ACSS1: variants seen among roughly 807,000 people sequenced by gnomAD.
The protein encoded by ACSS1 is acetyl-coenzyme A synthetase 2-like, mitochondrial.
In ACSS1, 42 loss-of-function variants were observed where a neutral mutation model predicts 75.3. That is an observed-to-expected ratio of 0.56 (90% CI 0.44 to 0.72). ACSS1 has a LOEUF of 0.72. ACSS1 is among the 30% of genes least tolerant of loss of function. The pLI, the probability that ACSS1 is intolerant of heterozygous loss-of-function variation, is 0.00. For synonymous variants in ACSS1, 380 were observed against 376.8 expected (o/e 1.01, Z -0.10); for missense variants, 782 against 935.7 (o/e 0.84, Z 2.14).
chr20:25,010,086 T>A (rs999394437), intron 12 of ACSS1: 3 of 152,456 alleles, frequency 2.0e-5, no homozygotes, highest in African/African-American at 7.2e-5. Context: ...GTTGTCCATA[T>A]AAGGAGTTGC....
chr20:25,013,477 G>T, intron 10 of ACSS1, 59 bp downstream of exon 10: 1 of 1,537,616 alleles, frequency 6.5e-7, no homozygotes, highest in Non-Finnish European at 8.8e-7. Context: ...TGTTTTCTGA[G>T]AATAAGATTC....
At chr20:25,008,963 G>A (rs2088359882) in intron 13 of ACSS1, among the ~76,000 whole-genome samples, 1 of 152,100 alleles carries the variant, frequency 6.6e-6, no homozygotes, top group Non-Finnish European at 1.5e-5. Context: ...CTGCCTAGGT[G>A]GCCTCCCAGA....
chr20:25,036,506 A>T (rs1568843298), intron 2 of ACSS1, among the ~76,000 whole-genome samples: 1 of 151,768 alleles, frequency 6.6e-6, no homozygotes, highest in African/African-American at 2.4e-5. Flanking sequence ...CAGAGAAAAG[A>T]GAGGAAGAAA....
At position 25,007,595 on chromosome 20, in the gene ACSS1, G is replaced by T; in HGVS notation, c.*167C>A. The T allele has an allele frequency of 8.2e-6, 12 of 1,463,252 alleles. No homozygotes were observed. The highest frequency in any genetic ancestry group is 1.1e-5 in the Non-Finnish European group (12 of 1,114,424). 90.6% of individuals were successfully genotyped at this position (1,463,252 alleles called of 1,614,324 possible). A position where few individuals can be genotyped will look rare whatever the true frequency, so the allele number is the denominator to read the frequency against. On this transcript the variant is annotated 3_prime_UTR_variant, in exon 14 of 14. Transcript: ENST00000323482. ...ACACTCCTGGGACCTCCAATGGATG[G>T]GAGAAAGGGCTCTCAGCCCAGCTTC... is the stretch of plus-strand genomic sequence containing the variant.
At chr20:25,042,501 G>A (rs748806386) in intron 2 of ACSS1, among the ~76,000 whole-genome samples, 2 of 152,136 alleles carry the variant, frequency 1.3e-5, no homozygotes, top group African/African-American at 2.4e-5. Context: ...CACGACAGCC[G>A]CTGTGTCACA....
At position 25,051,591 on chromosome 20, in the gene ACSS1, G is replaced by A. The variant is rs1005245509; in HGVS notation, c.335-3410C>T. Among the ~76,000 whole-genome samples the A allele has an allele frequency of 2.6e-5, 4 of 152,230 alleles. No individual in the cohort carries two copies. The East Asian group carries it at 5.8e-4, about 22-fold the overall frequency. ...CTAACAAGATCCTAGTGATGCAGCC[G>A]CTGCTGGTCCTGGGACCCGACTCTG... On this transcript the variant is annotated intron_variant, in intron 1 of 13. Coordinates refer to ENST00000323482, the MANE Select transcript of ACSS1 (RefSeq NM_032501.4).
chr20:25,032,226 A>G (rs976362212), intron 2 of ACSS1: 3 of 728,230 alleles, frequency 4.1e-6, no homozygotes, highest in Admixed American at 4.2e-5. Flanking sequence ...GCCTATCACC[A>G]GGTTCACCCA....
intron 1 of ACSS1, among the ~76,000 whole-genome samples, chr20:25,048,802 A>G (rs1320784057): frequency 6.6e-6 from 1 of 152,144 alleles, no homozygotes; most frequent in African/African-American, 2.4e-5. Flanking sequence ...CCATTACCCA[A>G]GCTCCCACAC....
intron 12 of ACSS1, 93 bp from the exon 13 acceptor site, chr20:25,009,481 G>A (rs772006285): frequency 2.1e-5 from 22 of 1,024,574 alleles, no homozygotes; most frequent in South Asian, 5.6e-5. Context: ...CCAGAAATCC[G>A]AAGGGCTTTT....
chr20:25,027,794 A>T (rs1052004927), intron 3 of ACSS1, among the ~76,000 whole-genome samples: 10 of 151,776 alleles, frequency 6.6e-5, no homozygotes, highest in African/African-American at 2.4e-4. Flanking sequence ...AAAAAAAAAA[A>T]AAAGAAATAA....
intron 6 of ACSS1, among the ~76,000 whole-genome samples, 159 bp from the exon 7 acceptor site, chr20:25,020,306 T>C (rs557131171): frequency 1.8e-5 from 2 of 111,790 alleles, no homozygotes; most frequent in Admixed American, 1.1e-4. Context: ...CAGTGAAAGA[T>C]GGAAAGAAGC....
rs867860254 is a variant in ACSS1, at chr20:25,057,824, G to T, written c.279C>A (p.Cys93Ter). Residue 93 changes from cysteine to a stop codon, truncating the protein, a stop_gained, in exon 1 of 14, where the codon TGC becomes TGA. Coordinates refer to ENST00000323482, the MANE Select transcript of ACSS1 (RefSeq NM_032501.4). LOFTEE classifies it high-confidence loss of function. ...AGCCGATCTTGCCAGTGCTGAAGTC[G>T]CAGTCCCAGACGGTGTGGTAGGGGG... ...WDTPYHTVWD[C>*]DFSTGKIGWF... 1 of 1,605,514 alleles carries T rather than the reference G, an allele frequency of 6.2e-7. No individual in the cohort carries two copies. Among genetic ancestry groups the T allele is most frequent in the Non-Finnish European group, 8.5e-7 (1 of 1,174,468 alleles).
chr20:25,030,679 C>T lies in ACSS1; in HGVS notation c.631+80G>A, dbSNP rs560072302. The T allele has an allele frequency of 3.3e-6, 5 of 1,510,372 alleles. No homozygotes were observed. In the South Asian group the frequency reaches 4.6e-5, roughly 14 times the overall value. The allele number at this position is 1,510,372 out of a possible 1,614,324, so 93.6% of individuals were successfully genotyped here. ...ACATTAATGTCTGCACTCTGATGGTCTCTACACTGATGGCCAGGCCCCCAG... is the reference window on the plus strand; with the variant it reads ...ACATTAATGTCTGCACTCTGATGGTTTCTACACTGATGGCCAGGCCCCCAG... On this transcript the variant is annotated intron_variant, in intron 3 of 13. Transcript: ENST00000323482.
At chr20:25,038,632 G>A (rs2088954158) in intron 2 of ACSS1, among the ~76,000 whole-genome samples, 2 of 152,328 alleles carry the variant, frequency 1.3e-5, no homozygotes, top group African/African-American at 2.4e-5. Context: ...CCTCAGCTGT[G>A]TGAATGCCTT....
intron 1 of ACSS1, among the ~76,000 whole-genome samples, chr20:25,051,762 C>A (rs570481396): frequency 6.6e-6 from 1 of 152,342 alleles, no homozygotes; most frequent in East Asian, 1.9e-4. Flanking sequence ...GGAGTCACCA[C>A]TAAAAACTCA....
At chr20:25,027,990 T>C (rs1214436391) in intron 3 of ACSS1, among the ~76,000 whole-genome samples, 1 of 152,082 alleles carries the variant, frequency 6.6e-6, no homozygotes, top group Non-Finnish European at 1.5e-5. Flanking sequence ...GAACAATCTG[T>C]AAAGGAAATT....
At chr20:25,015,068 A>C (rs2122604166) in intron 8 of ACSS1, 70 bp downstream of exon 8, 2 of 1,372,626 alleles carry the variant, frequency 1.5e-6, no homozygotes, top group South Asian at 1.3e-5. Flanking sequence ...CTTGGACCCC[A>C]GTCCCAGCCT....
chr20:25,019,884 TG>T, intron 7 of ACSS1, 125 bp downstream of exon 7: 1 of 1,384,424 alleles, frequency 7.2e-7, no homozygotes, highest in Non-Finnish European at 9.8e-7. Flanking sequence ...AGATCCGGTC[TG>T]GCATTGCGTG....
chr20:25,029,063 A>T (rs192574446), intron 3 of ACSS1, among the ~76,000 whole-genome samples: 2 of 152,352 alleles, frequency 1.3e-5, no homozygotes, highest in East Asian at 3.9e-4. Flanking sequence ...ACTTTTATAC[A>T]CCAAAGTTTA....
Sources: gnomAD v4.1 joint callset for allele counts (sites outside exome capture counted in the v4.1 genomes callset) on GRCh38, gnomAD v4.1.1 for gene constraint, MANE v1.5 for transcripts, NCBI Gene and HGNC (gene_info 2026-07-23, HGNC 2026-07-21) for gene names.